The following EFCC1 variants were observed in gnomAD, a reference collection of about 807,000 sequenced individuals.
EFCC1 encodes EF-hand and coiled-coil domain-containing protein 1.
EFCC1 carries 50 observed loss-of-function variants against 52.1 expected under a neutral mutation model. The observed-to-expected ratio is 0.96, with a 90% CI of 0.76 to 1.21. The LOEUF (loss-of-function observed/expected upper bound fraction) is 1.21, where lower values mean the gene tolerates loss of function less well. EFCC1 is among the 50% of genes most tolerant of loss of function. EFCC1 has a pLI of 0.00. For missense variants in EFCC1, 837 were observed against 867.3 expected, an observed-to-expected ratio of 0.97 and a Z score of 0.44; for synonymous variants, 399 against 396.5, an observed-to-expected ratio of 1.01 and a Z score of -0.08.
intron 2 of EFCC1, among the ~76,000 whole-genome samples, chr3:129,022,516 G>T (rs1945902026): frequency 6.6e-6 from 1 of 152,214 alleles, no homozygotes; most frequent in Non-Finnish European, 1.5e-5. Context: ...AAGCCCCTGG[G>T]CTGGCGGCCA....
chr3:129,005,684 A>T (rs1159523057), intron 2 of EFCC1, among the ~76,000 whole-genome samples: 4 of 152,246 alleles, frequency 2.6e-5, no homozygotes, highest in Admixed American at 2.0e-4. Flanking sequence ...GGGGTGGAGC[A>T]GCCAGAAGGG....
Position 129,010,815 on chromosome 3 carries a change from A to G in EFCC1, c.980+6738A>G, listed in dbSNP as rs1945293350. Among the ~76,000 whole-genome samples, 1 of 152,080 alleles carries G rather than the reference A, an allele frequency of 6.6e-6. No individual in the cohort carries two copies. Among genetic ancestry groups the G allele is most frequent in the Admixed American group, 6.5e-5 (1 of 15,270 alleles). ...AGAGGCCTTTCCTCCTCCAGGAACAATACTCAGGCTCACAAAGAGGCAGAC... is the reference window on the plus strand; with the variant it reads ...AGAGGCCTTTCCTCCTCCAGGAACAGTACTCAGGCTCACAAAGAGGCAGAC... On this transcript the variant is annotated intron_variant, in intron 2 of 7. Transcript: ENST00000683648. This position sits in a 1 kb window ranked among gnomAD's most constrained non-coding sequence, Gnocchi z 4.3.
intron 6 of EFCC1, among the ~76,000 whole-genome samples, chr3:129,037,683 C>A (rs1270952773): frequency 6.6e-6 from 1 of 152,138 alleles, no homozygotes; most frequent in Non-Finnish European, 1.5e-5. Context: ...TAGTAGGGAT[C>A]TTCCTTCACC....
At chr3:129,013,222 T>C (rs1487226321) in intron 2 of EFCC1, among the ~76,000 whole-genome samples, 1 of 152,122 alleles carries the variant, frequency 6.6e-6, no homozygotes, top group Admixed American at 6.5e-5. Context: ...GCCTTGGATA[T>C]AGACAGTCAA....
intron 6 of EFCC1, 120 bp from the exon 7 acceptor site, chr3:129,038,682 TAGGGGGCCAAGAAGCGATGAGGGTGGGGG>T: frequency 1.3e-6 from 1 of 743,946 alleles, no homozygotes. Flanking sequence ...AGCCTAGGGG[TAGGGGGCCAAGAAGCGATGAGGGTGGGGG>T]AGGAGCTTTA....
In EFCC1 at chr3:129,038,973, G is replaced by A. The variant is rs1946390861; in HGVS notation, c.1663+73G>A. ...TGTCCTGAGGAGGAGACTCCAGTGT[G>A]CTTCATGCTTAGCATCTTGTCTGCA... On this transcript the variant is annotated intron_variant, in intron 7 of 7. Coordinates refer to ENST00000683648, the MANE Select transcript of EFCC1 (RefSeq NM_001377500.1). 17 of 1,273,136 alleles carry A rather than the reference G, an allele frequency of 1.3e-5. No individual in the cohort carries two copies. The Middle Eastern group carries it at 9.6e-4, about 72-fold the overall frequency. The allele number at this position is 1,273,136 out of a possible 1,614,324, so 78.9% of individuals were successfully genotyped here.
rs1054639422 is a variant in EFCC1 at position 129,004,164 on chromosome 3, C to T, written c.980+87C>T. The T allele has an allele frequency of 7.1e-5, 95 of 1,336,108 alleles. 1 individual carries two copies. In the South Asian group the frequency reaches 1.5e-3, roughly 21 times the overall value. 82.8% of individuals were successfully genotyped at this position (1,336,108 alleles called of 1,614,324 possible). On this transcript the variant is annotated intron_variant, in intron 2 of 7. Coordinates refer to ENST00000683648, the MANE Select transcript of EFCC1 (RefSeq NM_001377500.1). ...TCGGGTGTGCAATCCCCCTCCCACGCGCTCTCGTGTTCCGCAGTTTCTCCA... is the reference window on the plus strand; with the variant it reads ...TCGGGTGTGCAATCCCCCTCCCACGTGCTCTCGTGTTCCGCAGTTTCTCCA...
chr3:129,023,887 C>T (rs1945978881), intron 2 of EFCC1, among the ~76,000 whole-genome samples: 1 of 152,164 alleles, frequency 6.6e-6, no homozygotes, highest in African/African-American at 2.4e-5. Flanking sequence ...GGACTCAACC[C>T]ATGTCTTGTG....
In EFCC1 at chr3:129,001,578, G is replaced by A; in HGVS notation, c.-51G>A. The A allele has an allele frequency of 5.2e-6, 7 of 1,347,092 alleles. No individual in the cohort carries two copies. Among genetic ancestry groups the A allele is most frequent in the Non-Finnish European group, 6.6e-6 (7 of 1,055,416 alleles). The allele number at this position is 1,347,092 out of a possible 1,614,324, so 83.4% of individuals were successfully genotyped here. On this transcript the variant is annotated 5_prime_UTR_variant, in exon 1 of 8. Transcript: ENST00000683648. ...TCTGGGGCCGCCCCTGGAAGTGGCG[G>A]GGCGAAGGGACCGGAGGAGGGACCG...
rs1304729754 is a variant in EFCC1 at position 129,034,837 on chromosome 3, G to A, written c.1452+508G>A. 6.6e-5 allele frequency among the ~76,000 whole-genome samples: 10 copies of A among 152,268 alleles called. No homozygotes were observed. The East Asian group carries it at 1.7e-3, about 26-fold the overall frequency. The stretch of plus-strand genomic sequence containing the variant: ...GATTGGCCACCTCAGTCATGTGCCC[G>A]TCCCTGGGCCAATCCCTGTGGTGGT... On this transcript the variant is annotated intron_variant, in intron 5 of 7. Transcript: ENST00000683648.
chr3:129,022,586 G>A (rs1389952345), intron 2 of EFCC1, among the ~76,000 whole-genome samples: 2 of 152,206 alleles, frequency 1.3e-5, no homozygotes, highest in African/African-American at 4.8e-5. Flanking sequence ...GCCTCCGGAT[G>A]CTGTGCAGAT....
chr3:129,022,496 C>T (rs1256151709), intron 2 of EFCC1, among the ~76,000 whole-genome samples: 1 of 152,192 alleles, frequency 6.6e-6, no homozygotes, highest in Non-Finnish European at 1.5e-5. Context: ...TGGCCCTTGT[C>T]AGATTGTATA....
rs777275255 is a variant in EFCC1, at chr3:129,006,247, C to T, written c.980+2170C>T. Among the ~76,000 whole-genome samples the T allele has an allele frequency of 4.6e-5, 7 of 152,318 alleles. No individual in the cohort carries two copies. The East Asian group carries it at 1.2e-3, about 25-fold the overall frequency. On this transcript the variant is annotated intron_variant, in intron 2 of 7. Transcript: ENST00000683648. The stretch of plus-strand genomic sequence containing the variant: ...GCCTCCAGACCTTGCATCTGCTGAT[C>T]GGGCATAAGAAGAAACCTGCGAGGC...
Position 129,004,001 on chromosome 3 carries a change from C to CTG in EFCC1, c.905_906dup (p.Glu303TrpfsTer37). 3 of 1,504,990 alleles carry CTG rather than the reference C, an allele frequency of 2.0e-6. No homozygotes were observed. Among genetic ancestry groups the CTG allele is most frequent in the Non-Finnish European group, 1.8e-6 (2 of 1,134,184 alleles). 93.2% of individuals were successfully genotyped at this position (1,504,990 alleles called of 1,614,324 possible). A position where few individuals can be genotyped will look rare whatever the true frequency, so the allele number is the denominator to read the frequency against. ...GCGCAGCCTGCACCGCGTGCGAGAG[C>CTG]TGGAGGCGCTGGCGCAACAGGTGCC... On this transcript the variant is annotated frameshift_variant, in exon 2 of 8. Transcript: ENST00000683648. LOFTEE classifies it high-confidence loss of function.
intron 2 of EFCC1, among the ~76,000 whole-genome samples, chr3:129,008,396 A>T (rs1411036768): frequency 6.6e-6 from 1 of 152,076 alleles, no homozygotes; most frequent in African/African-American, 2.4e-5. Flanking sequence ...CTTGATTTTG[A>T]CTTTGGCTCT....
chr3:129,039,616 G>A (rs1946398975), intron 7 of EFCC1, 96 bp from the exon 8 acceptor site: 2 of 1,504,226 alleles, frequency 1.3e-6, no homozygotes, highest in Non-Finnish European at 8.9e-7. Context: ...GGCACAGCGG[G>A]TAAGAGTGGC....
Position 129,031,016 on chromosome 3 carries a change from C to T in EFCC1, c.1138+156C>T, listed in dbSNP as rs922008026. Among the ~76,000 whole-genome samples, 3 of 152,290 alleles carry T rather than the reference C, an allele frequency of 2.0e-5. No individual in the cohort carries two copies. In the East Asian group the frequency reaches 5.8e-4, roughly 29 times the overall value. ...GCTCAGGCTGGGCTGGGGCCCTTTT[C>T]CCCAGCCCCATCATCCTAAGAACCT... On this transcript the variant is annotated intron_variant, in intron 3 of 7. Transcript: ENST00000683648.
Position 129,008,817 on chromosome 3 carries a change from C to T in EFCC1, c.980+4740C>T, listed in dbSNP as rs1177395922. 2.0e-5 allele frequency among the ~76,000 whole-genome samples: 3 copies of T among 152,212 alleles called. No homozygotes were observed. The East Asian group carries it at 5.8e-4, about 29-fold the overall frequency. ...GGCCCAGCCCCTGCCTGCTGAGGTG[C>T]ACAGTCCTCCTAAGAGGCTCCTGGT... On this transcript the variant is annotated intron_variant, in intron 2 of 7. Coordinates refer to ENST00000683648, the MANE Select transcript of EFCC1 (RefSeq NM_001377500.1).
At chr3:129,009,753 G>A (rs1559959175) in intron 2 of EFCC1, among the ~76,000 whole-genome samples, 1 of 152,204 alleles carries the variant, frequency 6.6e-6, no homozygotes. Context: ...ACCTGTGGCA[G>A]CTCAAGACTG....
Sources: gnomAD v4.1 joint callset for allele counts (sites outside exome capture counted in the v4.1 genomes callset) on GRCh38, gnomAD v4.1.1 for gene constraint, Gnocchi (gnomAD v3.1) non-coding constraint, MANE v1.5 for transcripts, NCBI Gene and HGNC (gene_info 2026-07-23, HGNC 2026-07-21) for gene names.